Variants in SRGAP3 observed in about 807,000 individuals in gnomAD.
SRGAP3 encodes SLIT-ROBO Rho GTPase activating protein 3, also known as SLIT-ROBO Rho GTPase-activating protein 3.
A neutral mutation model predicts 121.1 loss-of-function variants in SRGAP3; 39 were observed. That is an observed-to-expected ratio of 0.32 (90% CI 0.25 to 0.42). SRGAP3 has a LOEUF of 0.42. SRGAP3 is among the 10% of genes least tolerant of loss of function. The pLI is 1.00. For missense variants in SRGAP3, 1,213 were observed against 1,470.6 expected, an observed-to-expected ratio of 0.82 and a Z score of 2.86; for synonymous variants, 601 against 570.0, an observed-to-expected ratio of 1.05 and a Z score of -0.77.
chr3:9,295,733 CCATCTCCAGAATGGAGATTTT>C (rs1274102579), intron 3 of SRGAP3, among the ~76,000 whole-genome samples: 37 of 152,302 alleles, frequency 2.4e-4, no homozygotes, highest in African/African-American at 8.7e-4. Flanking sequence ...TCACTACCAT[CCATCTCCAGAATGGAGATTTT>C]CATCATCCCA....
At chr3:9,013,264 T>C (rs376285129) in intron 17 of SRGAP3, 44 bp downstream of exon 17, 1 of 1,577,326 alleles carries the variant, frequency 6.3e-7, no homozygotes, top group South Asian at 1.1e-5. Flanking sequence ...TCAATGGCAA[T>C]AACAATGACG....
intron 1 of SRGAP3, among the ~76,000 whole-genome samples, chr3:9,241,690 G>A (rs1301889567): frequency 6.6e-6 from 1 of 152,150 alleles, no homozygotes; most frequent in Non-Finnish European, 1.5e-5. Flanking sequence ...CCAGTGTGAT[G>A]GTATTTGCAG....
intron 1 of SRGAP3, among the ~76,000 whole-genome samples, chr3:9,176,771 AACTC>A (rs1951194011): frequency 6.6e-6 from 1 of 152,104 alleles, no homozygotes; most frequent in Non-Finnish European, 1.5e-5. Flanking sequence ...ATCTCTCAAG[AACTC>A]ACTCACTCAT....
intron 1 of SRGAP3, among the ~76,000 whole-genome samples, chr3:9,141,554 GT>G (rs1219374372): frequency 6.2e-3 from 43 of 6,896 alleles, no homozygotes; most frequent in South Asian, 0.019. Context: ...GACTTCAGGG[GT>G]GTGTGTGTGT....
intron 2 of SRGAP3, among the ~76,000 whole-genome samples, chr3:9,110,456 A>C (rs1000656492): frequency 6.6e-6 from 1 of 152,266 alleles, no homozygotes; most frequent in African/African-American, 2.4e-5. Context: ...AAGGCTTTAC[A>C]AATGCTGTGG....
At chr3:9,159,166 G>A (rs924334773) in intron 1 of SRGAP3, among the ~76,000 whole-genome samples, 17 of 151,946 alleles carry the variant, frequency 1.1e-4, no homozygotes, top group African/African-American at 3.9e-4. Context: ...GCTAACACCT[G>A]CCTATCCCAA....
intron 1 of SRGAP3, among the ~76,000 whole-genome samples, chr3:9,214,783 G>A (rs1242575486): frequency 6.6e-6 from 1 of 152,094 alleles, no homozygotes; most frequent in Admixed American, 6.6e-5. Context: ...TGATGAAAAA[G>A]GCAGTATCTC....
chr3:9,324,076 A>G (rs1279901856), intron 3 of SRGAP3, among the ~76,000 whole-genome samples: 1 of 151,906 alleles, frequency 6.6e-6, no homozygotes, highest in African/African-American at 2.4e-5. Flanking sequence ...GTTACAGCTC[A>G]GAGTTTGCCT....
At chr3:9,015,939 T>TA in intron 14 of SRGAP3, 2 of 602,418 alleles carry the variant, frequency 3.3e-6, no homozygotes, top group African/African-American at 3.7e-5. Flanking sequence ...AGAAAAGTTG[T>TA]AAAAATAAAA....
intron 21 of SRGAP3, among the ~76,000 whole-genome samples, chr3:8,989,735 C>T (rs2124922249): frequency 6.6e-6 from 1 of 152,320 alleles, no homozygotes. Flanking sequence ...CAGTTCTATT[C>T]ATTTGGCAAA....
chr3:9,200,610 G>A (rs1228915565), intron 1 of SRGAP3, among the ~76,000 whole-genome samples: 1 of 152,204 alleles, frequency 6.6e-6, no homozygotes, highest in East Asian at 1.9e-4. Flanking sequence ...TACTGGATGA[G>A]TAGTTTCCCA....
chr3:9,259,738 C>A (rs1296102238), intron 3 of SRGAP3, among the ~76,000 whole-genome samples: 1 of 152,020 alleles, frequency 6.6e-6, no homozygotes, highest in African/African-American at 2.4e-5. Flanking sequence ...ATACGATTGT[C>A]ACTAGTCCCA....
chr3:9,267,009 T>A (rs1334874494), intron 3 of SRGAP3, among the ~76,000 whole-genome samples: 3 of 152,200 alleles, frequency 2.0e-5, no homozygotes, highest in Non-Finnish European at 4.4e-5. Flanking sequence ...TAAAGTGTTA[T>A]TTGGACCCAA....
At chr3:9,084,508 T>C (rs925397711) in intron 3 of SRGAP3, among the ~76,000 whole-genome samples, 1 of 152,212 alleles carries the variant, frequency 6.6e-6, no homozygotes, top group Non-Finnish European at 1.5e-5. Context: ...GACTTAGGAT[T>C]AATGACCTTC....
chr3:9,278,675 G>A (rs1954625927), intron 3 of SRGAP3, among the ~76,000 whole-genome samples: 1 of 152,170 alleles, frequency 6.6e-6, no homozygotes, highest in African/African-American at 2.4e-5. Context: ...AAGAGAAACA[G>A]GGTCAAATCA....
At chr3:9,156,977 T>C (rs1424683931) in intron 1 of SRGAP3, among the ~76,000 whole-genome samples, 1 of 152,226 alleles carries the variant, frequency 6.6e-6, no homozygotes, top group Non-Finnish European at 1.5e-5. Flanking sequence ...CCTAGTTTTC[T>C]TTAATATTCC....
chr3:9,314,460 G>A (rs942325279), intron 3 of SRGAP3, among the ~76,000 whole-genome samples: 6 of 152,028 alleles, frequency 3.9e-5, no homozygotes, highest in Non-Finnish European at 8.8e-5. Context: ...GAAGGAGAAG[G>A]AGAAGGGGAA....
chr3:9,328,584 A>G (rs181482276), intron 2 of SRGAP3, among the ~76,000 whole-genome samples: 5 of 152,318 alleles, frequency 3.3e-5, no homozygotes, highest in Admixed American at 2.0e-4. Flanking sequence ...AACTTTACCA[A>G]AGGTAACCTC....
At chr3:9,028,050 GAC>G in intron 12 of SRGAP3, 1 of 1,611,074 alleles carries the variant, frequency 6.2e-7, no homozygotes, top group Non-Finnish European at 8.5e-7. Context: ...CAGCACTAAA[GAC>G]AGTTTCCATC....
Sources: gnomAD v4.1 joint callset for allele counts (sites outside exome capture counted in the v4.1 genomes callset) on GRCh38, gnomAD v4.1.1 for gene constraint, MANE v1.5 for transcripts, NCBI Gene and HGNC (gene_info 2026-07-23, HGNC 2026-07-21) for gene names.